The following PITPNC1 variants were observed in gnomAD, a reference collection of about 807,000 sequenced individuals.
PITPNC1 encodes the protein phosphatidylinositol transfer protein cytoplasmic 1.
A neutral mutation model predicts 44.7 loss-of-function variants in PITPNC1; 18 were observed. That is an observed-to-expected ratio of 0.40 (90% CI 0.28 to 0.60). The LOEUF is 0.60. Among genes scored for constraint, PITPNC1 ranks in the 20% least tolerant of loss-of-function variants. The probability of loss-of-function intolerance (pLI) is 0.39; values close to 1 mark genes in which losing one functional copy is unlikely to be tolerated. For synonymous variants in PITPNC1, 141 were observed against 149.6 expected (o/e 0.94, Z 0.42); for missense variants, 290 against 418.4 (o/e 0.69, Z 2.68).
At chr17:67,513,964 G>A (rs1237259445) in intron 1 of PITPNC1, among the ~76,000 whole-genome samples, 7 of 151,474 alleles carry the variant, frequency 4.6e-5, no homozygotes, top group Admixed American at 4.6e-4. Context: ...TGTGCTCTTC[G>A]AAGCCCACCG....
intron 4 of PITPNC1, among the ~76,000 whole-genome samples, chr17:67,575,874 C>CCTT (rs777390217): frequency 2.2e-4 from 4 of 18,554 alleles, no homozygotes; most frequent in African/African-American, 5.9e-4. Flanking sequence ...TTCTTTCTTT[C>CCTT]TTTCCTTTTT....
intron 1 of PITPNC1, among the ~76,000 whole-genome samples, chr17:67,484,429 G>A (rs1320472318): frequency 6.6e-6 from 1 of 152,102 alleles, no homozygotes; most frequent in Non-Finnish European, 1.5e-5. Flanking sequence ...TCTTGACTTC[G>A]CATCAAATCA....
At chr17:67,622,045 G>T (rs1376201377) in intron 5 of PITPNC1, among the ~76,000 whole-genome samples, 1 of 152,038 alleles carries the variant, frequency 6.6e-6, no homozygotes, top group Non-Finnish European at 1.5e-5. Context: ...CAAGGCAGGC[G>T]GATCACGAGG....
At chr17:67,405,728 C>G (rs1191660257) in intron 1 of PITPNC1, among the ~76,000 whole-genome samples, 6 of 151,904 alleles carry the variant, frequency 3.9e-5, no homozygotes, top group Admixed American at 3.9e-4. Context: ...GCCTCAGCCT[C>G]CCGAGTAGCT....
intron 4 of PITPNC1, among the ~76,000 whole-genome samples, chr17:67,562,865 T>C (rs2040924012): frequency 6.6e-6 from 1 of 152,210 alleles, no homozygotes; most frequent in Non-Finnish European, 1.5e-5. Flanking sequence ...AAAATTTCTA[T>C]CAAAATGGGG....
rs536024205 is a variant in PITPNC1 at position 67,634,923 on chromosome 17, T to G, written c.462+2685T>G. Among the ~76,000 whole-genome samples, 3 of 152,154 alleles carry G rather than the reference T, an allele frequency of 2.0e-5. No homozygotes were observed. In the East Asian group the frequency reaches 5.8e-4, roughly 29 times the overall value. Reference sequence around the variant, plus strand: ...TAAAAATTGCCCGGGCATGGTGGCATGCGCCTTTAGTCCCGGCTACTCAGA... The same window carrying G: ...TAAAAATTGCCCGGGCATGGTGGCAGGCGCCTTTAGTCCCGGCTACTCAGA... On this transcript the variant is annotated intron_variant, in intron 6 of 8. Transcript: ENST00000581322.
chr17:67,485,125 T>C (rs970866053), intron 1 of PITPNC1, among the ~76,000 whole-genome samples: 2 of 152,064 alleles, frequency 1.3e-5, no homozygotes, highest in African/African-American at 4.8e-5. Context: ...CTGGGCAGTG[T>C]AGCCACAGGG....
rs11311248 is a variant in PITPNC1, at chr17:67,411,082, CAA to C, written c.48+32895_48+32896del. ...GGGTGACAGAGTGAGACTCCCATCT[CAA>C]AAAAAAAAAAAAAATAGAGCAGTTT... On this transcript the variant is annotated intron_variant, in intron 1 of 8. Coordinates refer to ENST00000581322, the MANE Select transcript of PITPNC1 (RefSeq NM_012417.4). Among the ~76,000 whole-genome samples the C allele has an allele frequency of 9.2e-3, 1,258 of 136,428 alleles. 12 individuals are homozygous for C. Among genetic ancestry groups the C allele is most frequent in the African/African-American group, 0.03 (1,108 of 36,792 alleles). 89.5% of individuals were successfully genotyped at this position (136,428 alleles called of 152,430 possible).
chr17:67,659,701 T>G (rs2042315786), intron 6 of PITPNC1, among the ~76,000 whole-genome samples: 1 of 152,088 alleles, frequency 6.6e-6, no homozygotes, highest in Non-Finnish European at 1.5e-5. Flanking sequence ...ATCTCTCAAT[T>G]TATTGGTCTT....
At chr17:67,580,504 C>T (rs1408196808) in intron 5 of PITPNC1, among the ~76,000 whole-genome samples, 1 of 152,134 alleles carries the variant, frequency 6.6e-6, no homozygotes, top group Non-Finnish European at 1.5e-5. Context: ...CCGTGCCCAG[C>T]TAATTTTTGT....
At chr17:67,485,648 A>G (rs906499284) in intron 1 of PITPNC1, among the ~76,000 whole-genome samples, 3 of 152,130 alleles carry the variant, frequency 2.0e-5, no homozygotes, top group African/African-American at 7.2e-5. Flanking sequence ...CACCCGGCCA[A>G]TTAGTTAGAT....
intron 6 of PITPNC1, among the ~76,000 whole-genome samples, chr17:67,668,940 A>G (rs1314526651): frequency 6.6e-6 from 1 of 152,214 alleles, no homozygotes; most frequent in African/African-American, 2.4e-5. Context: ...TAAATGTGCA[A>G]TTCAGTGGTT....
Position 67,692,910 on chromosome 17 carries a change from G to T in PITPNC1, c.*22G>T. 3 of 1,376,674 alleles carry T rather than the reference G, an allele frequency of 2.2e-6. No homozygotes were observed. The highest frequency in any genetic ancestry group is 2.3e-5 in the East Asian group (1 of 42,868). 85.3% of individuals were successfully genotyped at this position (1,376,674 alleles called of 1,614,324 possible). A position where few individuals can be genotyped will look rare whatever the true frequency, so the allele number is the denominator to read the frequency against. On this transcript the variant is annotated 3_prime_UTR_variant, in exon 9 of 9. Coordinates refer to ENST00000581322, the MANE Select transcript of PITPNC1 (RefSeq NM_012417.4). ...GTAACTTTATATAAATATCTCATGG[G>T]GTTTTATATTTTCATTTGTTGTTGT...
intron 4 of PITPNC1, among the ~76,000 whole-genome samples, chr17:67,574,790 G>A (rs949939583): frequency 1.3e-5 from 2 of 151,928 alleles, no homozygotes; most frequent in Non-Finnish European, 2.9e-5. Context: ...CATCCCAAGG[G>A]GATTATCAGC....
chr17:67,616,703 C>A (rs984490678), intron 5 of PITPNC1, among the ~76,000 whole-genome samples: 6 of 152,126 alleles, frequency 3.9e-5, no homozygotes, highest in Non-Finnish European at 7.4e-5. Context: ...ATAAACGTGC[C>A]CTTTCCCTCA....
chr17:67,525,348 C>G (rs917095396), intron 1 of PITPNC1: 2 of 152,212 alleles, frequency 1.3e-5, no homozygotes, highest in Admixed American at 6.5e-5. Context: ...TACACAGTCT[C>G]TCAAAGTATT....
intron 1 of PITPNC1, among the ~76,000 whole-genome samples, chr17:67,507,370 G>T (rs2916147): frequency 0.025 from 3,835 of 152,178 alleles, 64 homozygotes; most frequent in Non-Finnish European, 0.037. Flanking sequence ...ATCATTAAAG[G>T]TTTCAGATTT....
At chr17:67,516,373 T>C (rs1238912014) in intron 1 of PITPNC1, among the ~76,000 whole-genome samples, 1 of 152,198 alleles carries the variant, frequency 6.6e-6, no homozygotes, top group Non-Finnish European at 1.5e-5. Context: ...ACTTAACCTC[T>C]GTGTATCAGT....
intron 7 of PITPNC1, among the ~76,000 whole-genome samples, chr17:67,669,909 T>G (rs1447333316): frequency 6.6e-6 from 1 of 151,852 alleles, no homozygotes; most frequent in East Asian, 1.9e-4. Context: ...CTGTCTCTAC[T>G]AAAAATACAA....
Sources: allele counts gnomAD v4.1 joint callset (sites outside exome capture counted in the v4.1 genomes callset), GRCh38; gene constraint gnomAD v4.1.1; transcripts MANE v1.5; gene names NCBI Gene and HGNC (gene_info 2026-07-23, HGNC 2026-07-21).